The following INSYN2B variants were observed in gnomAD, a reference collection of about 807,000 sequenced individuals.
The protein encoded by INSYN2B is protein INSYN2B.
A neutral mutation model predicts 41.2 loss-of-function variants in INSYN2B; 16 were observed. That is an observed-to-expected ratio of 0.39 (90% confidence interval 0.26 to 0.59). The LOEUF is 0.59. Ranked by LOEUF, INSYN2B falls within the 20% of genes least tolerant of loss-of-function variation. The pLI is 0.57. For synonymous variants in INSYN2B, 245 were observed against 244.4 expected, an observed-to-expected ratio of 1.00 and a Z score of -0.02; for missense variants, 608 against 646.4, an observed-to-expected ratio of 0.94 and a Z score of 0.64.
chr5:169,903,478 G>A (rs1774071545), intron 1 of INSYN2B, among the ~76,000 whole-genome samples: 1 of 151,242 alleles, frequency 6.6e-6, no homozygotes, highest in South Asian at 2.1e-4. Context: ...GCCTCCTCAA[G>A]GGCAGGGTTG....
intron 1 of INSYN2B, among the ~76,000 whole-genome samples, chr5:169,933,437 G>T (rs569310756): frequency 4.6e-5 from 7 of 152,358 alleles, no homozygotes; most frequent in African/African-American, 1.7e-4. Flanking sequence ...GGCTGCTATA[G>T]AAGAGCTCTT....
intron 3 of INSYN2B, among the ~76,000 whole-genome samples, chr5:169,872,930 G>A (rs947705855): frequency 6.6e-6 from 1 of 152,218 alleles, no homozygotes; most frequent in Non-Finnish European, 1.5e-5. Flanking sequence ...GACATATAGT[G>A]TTGGGCAAAA....
intron 1 of INSYN2B, among the ~76,000 whole-genome samples, chr5:169,899,666 A>G (rs2113572961): frequency 6.6e-6 from 1 of 152,306 alleles, no homozygotes; most frequent in South Asian, 2.1e-4. Context: ...AGACCTCTCT[A>G]CATACCACGT....
In INSYN2B at chr5:169,961,978, C is replaced by CAAAAAAAAAAAAAAAAAAAAAA. The variant is rs70979150; in HGVS notation, c.-919+18298_-919+18299insTTTTTTTTTTTTTTTTTTTTTT. On this transcript the variant is annotated intron_variant, in intron 1 of 3. Transcript: ENST00000377365. ...TGGGTGAAAAAGTGAGACTCTGTCC[C>CAAAAAAAAAAAAAAAAAAAAAA]AAAAAAAAAAAAAAAAATGGAGAAA... Among the ~76,000 whole-genome samples the CAAAAAAAAAAAAAAAAAAAAAA allele has an allele frequency of 1.3e-3, 100 of 74,614 alleles. 33 individuals carry two copies. The highest frequency in any genetic ancestry group is 4.2e-3 in the African/African-American group (62 of 14,774). 48.9% of individuals were successfully genotyped at this position (74,614 alleles called of 152,430 possible).
intron 1 of INSYN2B, among the ~76,000 whole-genome samples, chr5:169,938,635 G>C (rs1017503450): frequency 6.6e-6 from 1 of 152,194 alleles, no homozygotes; most frequent in African/African-American, 2.4e-5. Flanking sequence ...AGTAAGTGGT[G>C]AGTAAATGTG....
chr5:169,956,205 G>A (rs1009945441), intron 1 of INSYN2B, among the ~76,000 whole-genome samples: 1 of 152,194 alleles, frequency 6.6e-6, no homozygotes, highest in African/African-American at 2.4e-5. Context: ...GATTCATCCT[G>A]GTTGAGCAAG....
In INSYN2B at chr5:169,864,485, G is replaced by A. The variant is rs1329493862; in HGVS notation, c.1422-26C>T. On this transcript the variant is annotated intron_variant, in intron 3 of 3. Transcript: ENST00000377365. ...CTGAAAAACACAGAGAGGAAGGAAGGAAAGTGAATTCGAATCAGCACAGAC... is the reference window on the plus strand; with the variant it reads ...CTGAAAAACACAGAGAGGAAGGAAGAAAAGTGAATTCGAATCAGCACAGAC... The A allele has an allele frequency of 2.7e-6, 4 of 1,489,590 alleles. No homozygotes were observed. The African/African-American group carries it at 4.2e-5, about 16-fold the overall frequency. 92.3% of individuals were successfully genotyped at this position (1,489,590 alleles called of 1,614,324 possible).
intron 1 of INSYN2B, among the ~76,000 whole-genome samples, chr5:169,902,741 C>T (rs1774000366): frequency 1.3e-5 from 2 of 152,120 alleles, no homozygotes; most frequent in Non-Finnish European, 2.9e-5. Context: ...GGGTTGGGTA[C>T]TAGGGACACG....
chr5:169,913,790 G>A lies in INSYN2B; in HGVS notation c.-918-28974C>T, dbSNP rs1774730836. 2.0e-5 allele frequency among the ~76,000 whole-genome samples: 3 copies of A among 152,150 alleles called. 1 individual carries two copies. The South Asian group carries it at 6.2e-4, about 32-fold the overall frequency. Reference sequence around the variant, plus strand: ...TAACCCTCTTATTTTTGATCAATGAGGAATTAGATGCTTCGCTATTAGAAT... The same window carrying A: ...TAACCCTCTTATTTTTGATCAATGAAGAATTAGATGCTTCGCTATTAGAAT... On this transcript the variant is annotated intron_variant, in intron 1 of 3. Transcript: ENST00000377365.
chr5:169,867,929 G>A (rs879222790), intron 3 of INSYN2B, among the ~76,000 whole-genome samples: 8 of 152,082 alleles, frequency 5.3e-5, no homozygotes, highest in Non-Finnish European at 8.8e-5. Context: ...TCTGATTCTC[G>A]CCCCTCTAGC....
intron 1 of INSYN2B, among the ~76,000 whole-genome samples, chr5:169,963,888 G>A (rs1421989776): frequency 5.3e-5 from 8 of 152,164 alleles, no homozygotes; most frequent in Non-Finnish European, 1.2e-4. Flanking sequence ...TTCAGTGGGT[G>A]TGGGGTGGAG....
At chr5:169,866,798 A>G (rs2113435551) in intron 3 of INSYN2B, among the ~76,000 whole-genome samples, 1 of 152,324 alleles carries the variant, frequency 6.6e-6, no homozygotes, top group East Asian at 1.9e-4. Context: ...CTCTGCTCTC[A>G]CACCACAACA....
chr5:169,872,385 C>T (rs1400294176), intron 3 of INSYN2B, among the ~76,000 whole-genome samples: 1 of 152,210 alleles, frequency 6.6e-6, no homozygotes, highest in Non-Finnish European at 1.5e-5. Context: ...TTTCTCTCCC[C>T]AGCCTGGAAG....
At position 169,871,298 on chromosome 5, in the gene INSYN2B, A is replaced by G. The variant is rs926005817; in HGVS notation, c.1422-6839T>C. Reference sequence around the variant, plus strand: ...TTTAGCCATGGACCTAACTCTTTCCAGCATTTTATTCTAAGGAGAAGAAAC... The same window carrying G: ...TTTAGCCATGGACCTAACTCTTTCCGGCATTTTATTCTAAGGAGAAGAAAC... On this transcript the variant is annotated intron_variant, in intron 3 of 3. Coordinates refer to ENST00000377365, the MANE Select transcript of INSYN2B (RefSeq NM_001129891.3). Among the ~76,000 whole-genome samples the G allele has an allele frequency of 5.9e-5, 9 of 152,356 alleles. No individual in the cohort carries two copies. The South Asian group carries it at 1.4e-3, about 25-fold the overall frequency.
chr5:169,963,248 A>G (rs1274580823), intron 1 of INSYN2B, among the ~76,000 whole-genome samples: 1 of 152,132 alleles, frequency 6.6e-6, no homozygotes, highest in Non-Finnish European at 1.5e-5. Flanking sequence ...ATGTCCATGA[A>G]CTGATGAGAT....
rs1341608251 is a variant in INSYN2B at position 169,882,669 on chromosome 5, G to A, written c.1230C>T (p.Cys410=). Residue 410 remains cysteine (C), a synonymous_variant, in exon 2 of 4, where the codon TGC becomes TGT. Transcript: ENST00000377365. ...NQIHLARGEL[C]DLQGRLQSVE... ...CAGATTGCAGTCGGCCTTGGAGGTC[G>A]CAGAGTTCACCCCGTGCCAGGTGAA... The A allele has an allele frequency of 1.1e-5, 17 of 1,552,048 alleles. No individual in the cohort carries two copies. The highest frequency in any genetic ancestry group is 8.3e-5 in the South Asian group (7 of 84,058).
intron 1 of INSYN2B, among the ~76,000 whole-genome samples, chr5:169,892,327 GGTGT>G (rs755254264): frequency 7.9e-5 from 12 of 152,360 alleles, no homozygotes; most frequent in Non-Finnish European, 1.8e-4. Flanking sequence ...CAAACTTGCT[GGTGT>G]GTATCCCCTA....
At chr5:169,920,262 A>G (rs939984283) in intron 1 of INSYN2B, among the ~76,000 whole-genome samples, 14 of 152,190 alleles carry the variant, frequency 9.2e-5, no homozygotes, top group African/African-American at 3.4e-4. Flanking sequence ...AGTTATTATG[A>G]TGTTCAAAAC....
At position 169,862,047 on chromosome 5, in the gene INSYN2B, A is replaced by G. The variant is rs1334095302; in HGVS notation, c.*2226T>C. Among the ~76,000 whole-genome samples the G allele has an allele frequency of 7.9e-5, 12 of 151,954 alleles. No homozygotes were observed. Among genetic ancestry groups the G allele is most frequent in the Admixed American group, 7.9e-4 (12 of 15,254 alleles). On this transcript the variant is annotated 3_prime_UTR_variant, in exon 4 of 4. Transcript: ENST00000377365. The stretch of plus-strand genomic sequence containing the variant: ...GGCCTCAACTGGAAACATATCTATG[A>G]CCACATCAGCTTATTAATTTTGTGT...
Sources: gnomAD v4.1 joint callset for allele counts (sites outside exome capture counted in the v4.1 genomes callset) on GRCh38, gnomAD v4.1.1 for gene constraint, MANE v1.5 for transcripts, NCBI Gene and HGNC (gene_info 2026-07-23, HGNC 2026-07-21) for gene names.